Variants in PHLPP2 observed in about 807,000 individuals in gnomAD.
PHLPP2 encodes PH domain and leucine rich repeat protein phosphatase 2, also known as PH domain leucine-rich repeat-containing protein phosphatase 2.
A neutral mutation model predicts 124.9 loss-of-function variants in PHLPP2; 66 were observed. The ratio of observed to expected loss-of-function variants is 0.53; its 90% confidence interval spans 0.43 to 0.65. The LOEUF is 0.65. Ranked by LOEUF, PHLPP2 falls within the 30% of genes least tolerant of loss-of-function variation. The pLI is 0.00. For missense variants in PHLPP2, 1,685 were observed against 1,600.4 expected, an observed-to-expected ratio of 1.05 and a Z score of -0.90; for synonymous variants, 681 against 624.7, an observed-to-expected ratio of 1.09 and a Z score of -1.34.
intron 4 of PHLPP2, among the ~76,000 whole-genome samples, chr16:71,687,718 G>C (rs1254162829): frequency 2.6e-5 from 4 of 151,998 alleles, no homozygotes; most frequent in Non-Finnish European, 5.9e-5. Flanking sequence ...CTTATCCCGA[G>C]TGTATCACAT....
At chr16:71,704,595 A>C (rs894685504) in intron 2 of PHLPP2, among the ~76,000 whole-genome samples, 2 of 152,138 alleles carry the variant, frequency 1.3e-5, no homozygotes, top group Non-Finnish European at 2.9e-5. Context: ...TAGCTTCCAG[A>C]AACTATCACA....
intron 18 of PHLPP2, among the ~76,000 whole-genome samples, chr16:71,651,788 C>T (rs183977059): frequency 2.8e-3 from 424 of 152,268 alleles, no homozygotes; most frequent in Non-Finnish European, 3.2e-3. Flanking sequence ...AAAGACCATA[C>T]AAAGGATAGT....
In PHLPP2 at chr16:71,655,283, T is replaced by G; in HGVS notation, c.2542A>C (p.Asn848His). 6.2e-7 allele frequency: 1 copy of G among 1,614,004 alleles called. No individual in the cohort carries two copies. Among genetic ancestry groups the G allele is most frequent in the Middle Eastern group, 1.6e-4 (1 of 6,062 alleles). ...GTGTTAGCCATGAAAACTGTGTCAT[T>G]AGTTGACTGCTGTACCTCTTCTAAA... is the stretch of plus-strand genomic sequence containing the variant. ...VLLEEVQQST[N>H]DTVFMANTFL... The change falls in exon 17 of 19, where the codon AAT becomes CAT. Residue 848 changes from asparagine (N) to histidine (H), a missense_variant. By Grantham distance (68) the Asn-to-His change is moderately conservative. Transcript: ENST00000568954.
At chr16:71,675,097 C>T (rs1281027168) in intron 9 of PHLPP2, among the ~76,000 whole-genome samples, 2 of 152,186 alleles carry the variant, frequency 1.3e-5, no homozygotes, top group African/African-American at 4.8e-5. Context: ...AATCAGGAAA[C>T]TTCTAGAATA....
chr16:71,663,792 G>T, intron 13 of PHLPP2, 107 bp downstream of exon 13: 1 of 827,132 alleles, frequency 1.2e-6, no homozygotes. Flanking sequence ...GCATCTGTAA[G>T]TCAGTGAACG....
chr16:71,699,704 G>A (rs943571758), intron 3 of PHLPP2, among the ~76,000 whole-genome samples: 24 of 152,180 alleles, frequency 1.6e-4, no homozygotes, highest in Admixed American at 7.9e-4. Context: ...GCCGCCCTAC[G>A]CAACAAGGCA....
chr16:71,695,216 T>A (rs553376174), intron 3 of PHLPP2, among the ~76,000 whole-genome samples: 14 of 152,284 alleles, frequency 9.2e-5, no homozygotes, highest in African/African-American at 3.4e-4. Flanking sequence ...TATTAATATT[T>A]TAAACGTGAG....
chr16:71,711,638 G>C (rs2045324915), intron 2 of PHLPP2, among the ~76,000 whole-genome samples: 1 of 152,188 alleles, frequency 6.6e-6, no homozygotes, highest in Non-Finnish European at 1.5e-5. Flanking sequence ...AGATGGTTGT[G>C]AGGATTAAAT....
At chr16:71,690,164 T>G (rs1012467874) in intron 4 of PHLPP2, among the ~76,000 whole-genome samples, 6 of 152,078 alleles carry the variant, frequency 3.9e-5, no homozygotes, top group Non-Finnish European at 8.8e-5. Flanking sequence ...AATTTTAATT[T>G]AATTGGGGGG....
In PHLPP2 at chr16:71,649,265, T is replaced by A; in HGVS notation, c.3597A>T (p.Arg1199Ser). The part of the protein sequence containing the change: ...SPTLCSEEHA[R>S]GSCFGIRRQN... ...GTCTTCGGATCCCAAAACACGACCCTCTAGCATGTTCCTCAGAACACAGGG... is the reference window on the plus strand; with the variant it reads ...GTCTTCGGATCCCAAAACACGACCCACTAGCATGTTCCTCAGAACACAGGG... The change falls in exon 19 of 19, where the codon AGA becomes AGT. Residue 1199 changes from arginine (R) to serine (S), a missense_variant. By Grantham distance (110) the Arg-to-Ser change is moderately radical. Transcript: ENST00000568954. The A allele has an allele frequency of 6.2e-7, 1 of 1,613,876 alleles. No individual in the cohort carries two copies. Among genetic ancestry groups the A allele is most frequent in the Non-Finnish European group, 8.5e-7 (1 of 1,179,944 alleles).
At chr16:71,674,595 A>C (rs1476835167) in intron 9 of PHLPP2, among the ~76,000 whole-genome samples, 1 of 152,142 alleles carries the variant, frequency 6.6e-6, no homozygotes, top group Non-Finnish European at 1.5e-5. Context: ...AAAAGTGTGC[A>C]ATTTATCCAT....
chr16:71,717,412 C>T (rs1223442290), intron 1 of PHLPP2, among the ~76,000 whole-genome samples: 1 of 152,158 alleles, frequency 6.6e-6, no homozygotes, highest in East Asian at 1.9e-4. Flanking sequence ...TTAGGCATTG[C>T]TATTCAAAAC....
At chr16:71,662,525 A>G (rs1420267956) in intron 13 of PHLPP2, among the ~76,000 whole-genome samples, 2 of 152,110 alleles carry the variant, frequency 1.3e-5, no homozygotes, top group Admixed American at 6.6e-5. Context: ...CTGAACTCCA[A>G]TCAAGTTTCT....
At chr16:71,699,474 C>T (rs947471720) in intron 3 of PHLPP2, among the ~76,000 whole-genome samples, 13 of 152,186 alleles carry the variant, frequency 8.5e-5, no homozygotes, top group African/African-American at 3.1e-4. Flanking sequence ...GGCAACTTGA[C>T]TTCAAGGGAG....
chr16:71,663,077 C>CT (rs777923815), intron 13 of PHLPP2, among the ~76,000 whole-genome samples: 1 of 152,114 alleles, frequency 6.6e-6, no homozygotes, highest in African/African-American at 2.4e-5. Flanking sequence ...TGCATATCGT[C>CT]TTTAACAGCC....
In PHLPP2 at chr16:71,667,161, A is replaced by C; in HGVS notation, c.1784+17T>G. The C allele has an allele frequency of 6.2e-7, 1 of 1,601,546 alleles. No individual in the cohort carries two copies. The highest frequency in any genetic ancestry group is 1.7e-5 in the Admixed American group (1 of 57,898). ...CCAATGATTCTGCTCTTCCGAAAAAAATCCTATGATACTTACTTTAAGGCC... is the reference window on the plus strand; with the variant it reads ...CCAATGATTCTGCTCTTCCGAAAAACATCCTATGATACTTACTTTAAGGCC... On this transcript the variant is annotated intron_variant, in intron 12 of 18. Transcript: ENST00000568954.
At chr16:71,722,809 A>G (rs1157644327) in intron 1 of PHLPP2, among the ~76,000 whole-genome samples, 1 of 152,160 alleles carries the variant, frequency 6.6e-6, no homozygotes, top group Non-Finnish European at 1.5e-5. Flanking sequence ...ACCTACAGAA[A>G]AATTTCTCTG....
At chr16:71,681,040 C>T (rs761908375) in intron 6 of PHLPP2, among the ~76,000 whole-genome samples, 14 of 152,116 alleles carry the variant, frequency 9.2e-5, no homozygotes, top group East Asian at 1.9e-4. Flanking sequence ...TAAGGAAGTA[C>T]GTAAAATATG....
chr16:71,669,842 G>C (rs987270028), intron 10 of PHLPP2, among the ~76,000 whole-genome samples: 1 of 152,180 alleles, frequency 6.6e-6, no homozygotes, highest in African/African-American at 2.4e-5. Flanking sequence ...AAACCATTTA[G>C]AATGTGAGCT....
Sources: gnomAD v4.1 joint callset for allele counts (sites outside exome capture counted in the v4.1 genomes callset) on GRCh38, gnomAD v4.1.1 for gene constraint, MANE v1.5 for transcripts, NCBI Gene and HGNC (gene_info 2026-07-23, HGNC 2026-07-21) for gene names.